MCPH1: variants seen among roughly 807,000 people sequenced by gnomAD.
The protein encoded by MCPH1 is microcephalin.
In MCPH1, 104 loss-of-function variants were observed where a neutral mutation model predicts 84.5. The observed-to-expected ratio is 1.23, with a 90% CI of 1.05 to 1.45. The LOEUF (loss-of-function observed/expected upper bound fraction) is 1.45, where lower values mean the gene tolerates loss of function less well. MCPH1 is among the 40% of genes most tolerant of loss of function. The pLI is 0.00. For missense variants in MCPH1, 1,498 were observed against 1,005.7 expected, an observed-to-expected ratio of 1.49 and a Z score of -6.62; for synonymous variants, 514 against 366.8, an observed-to-expected ratio of 1.40 and a Z score of -4.58.
intron 12 of MCPH1, among the ~76,000 whole-genome samples, chr8:6,595,681 A>G (rs972666275): frequency 1.3e-5 from 2 of 152,036 alleles, no homozygotes; most frequent in East Asian, 1.9e-4. Flanking sequence ...CTGTCCAACA[A>G]GGTCTTCAGA....
chr8:6,455,311 C>T (rs933147240), intron 9 of MCPH1, 59 bp downstream of exon 9: 5 of 1,204,482 alleles, frequency 4.2e-6, no homozygotes, highest in South Asian at 3.6e-5. Flanking sequence ...TAATGTTCTT[C>T]TCTGGGTCAA....
chr8:6,485,303 T>C (rs1809748596), intron 11 of MCPH1, among the ~76,000 whole-genome samples: 1 of 151,898 alleles, frequency 6.6e-6, no homozygotes, highest in Non-Finnish European at 1.5e-5. Context: ...CCAGCCTGGG[T>C]GACAGAGTGA....
At chr8:6,609,214 C>T (rs571197545) in intron 12 of MCPH1, among the ~76,000 whole-genome samples, 1 of 152,348 alleles carries the variant, frequency 6.6e-6, no homozygotes, top group South Asian at 2.1e-4. Flanking sequence ...CAGTGAAAAG[C>T]AACCAAGGCA....
At chr8:6,579,548 C>T (rs563928548) in intron 12 of MCPH1, among the ~76,000 whole-genome samples, 25 of 152,252 alleles carry the variant, frequency 1.6e-4, no homozygotes, top group African/African-American at 5.8e-4. Context: ...TGTTTTGGTG[C>T]CCAGATAATG....
intron 2 of MCPH1, among the ~76,000 whole-genome samples, chr8:6,414,477 C>G (rs1279773509): frequency 1.3e-5 from 2 of 152,198 alleles, no homozygotes; most frequent in African/African-American, 4.8e-5. Context: ...GTGGTGCCTT[C>G]TCATGGCCAC....
At chr8:6,477,307 G>A (rs1808600775) in intron 9 of MCPH1, 3 of 402,574 alleles carry the variant, frequency 7.5e-6, no homozygotes, top group South Asian at 3.0e-5. Context: ...CACACTTGGA[G>A]GTCTGCTGGC....
At chr8:6,609,251 C>G (rs936199603) in intron 12 of MCPH1, among the ~76,000 whole-genome samples, 1 of 152,204 alleles carries the variant, frequency 6.6e-6, no homozygotes. Flanking sequence ...CTGACTAGTT[C>G]ACGCAGTTAC....
intron 11 of MCPH1, among the ~76,000 whole-genome samples, chr8:6,493,971 C>T (rs532958876): frequency 6.2e-4 from 94 of 151,172 alleles, no homozygotes; most frequent in African/African-American, 1.8e-3. Flanking sequence ...GACAGAGTTT[C>T]GCTCTGTTGC....
intron 11 of MCPH1, among the ~76,000 whole-genome samples, chr8:6,498,452 A>G (rs149288624): frequency 1.3e-4 from 20 of 152,334 alleles, no homozygotes; most frequent in African/African-American, 4.6e-4. Context: ...AATTCCTGGG[A>G]TGTCTGTGTA....
At chr8:6,638,310 GCTTA>G in intron 13 of MCPH1, among the ~76,000 whole-genome samples, 1 of 152,236 alleles carries the variant, frequency 6.6e-6, no homozygotes, top group Non-Finnish European at 1.5e-5. Flanking sequence ...GCCCTAACAT[GCTTA>G]CTTATTTTGA....
intron 6 of MCPH1, 62 bp from the exon 7 acceptor site, chr8:6,442,005 G>A: frequency 8.8e-7 from 1 of 1,138,188 alleles, no homozygotes. Context: ...ACTTCCTGCT[G>A]GCTTCATCTG....
At chr8:6,508,604 C>T in intron 12 of MCPH1, 1 of 464,136 alleles carries the variant, frequency 2.2e-6, no homozygotes, top group East Asian at 3.5e-5. Context: ...TTACATAAAG[C>T]AAAATGTAAT....
intron 11 of MCPH1, among the ~76,000 whole-genome samples, chr8:6,499,066 TTAAATAAA>T (rs150879047): frequency 0.015 from 2,279 of 148,174 alleles, 40 homozygotes; most frequent in African/African-American, 0.047. Context: ...AATAAATAAA[TTAAATAAA>T]TAAATAAATA....
At chr8:6,407,953 C>G (rs1214959019) in intron 1 of MCPH1, among the ~76,000 whole-genome samples, 1 of 152,196 alleles carries the variant, frequency 6.6e-6, no homozygotes, top group East Asian at 1.9e-4. Flanking sequence ...TTTATTGGAA[C>G]ACAGGCCGGC....
At chr8:6,602,637 C>T (rs573941341) in intron 12 of MCPH1, among the ~76,000 whole-genome samples, 5 of 152,072 alleles carry the variant, frequency 3.3e-5, no homozygotes, top group Admixed American at 1.3e-4. Flanking sequence ...AATTCCTGGT[C>T]ACCCTTTGTT....
intron 12 of MCPH1, among the ~76,000 whole-genome samples, chr8:6,612,179 C>T (rs1436977366): frequency 1.3e-5 from 2 of 152,142 alleles, no homozygotes; most frequent in African/African-American, 4.8e-5. Context: ...TTTAGGGGCT[C>T]ACTGCCAGGA....
chr8:6,597,484 G>A (rs536262763), intron 12 of MCPH1, among the ~76,000 whole-genome samples: 3 of 152,172 alleles, frequency 2.0e-5, no homozygotes, highest in East Asian at 1.9e-4. Flanking sequence ...TGGAAATACC[G>A]AAGACTGTGC....
At position 6,456,670 on chromosome 8, in the gene MCPH1, T is replaced by TTTA. The variant is rs1805713843; in HGVS notation, c.1935+1418_1935+1419insTTA. Among the ~76,000 whole-genome samples the TTTA allele has an allele frequency of 2.0e-5, 3 of 151,578 alleles. No individual in the cohort carries two copies. The South Asian group carries it at 6.3e-4, about 32-fold the overall frequency. On this transcript the variant is annotated intron_variant, in intron 9 of 13. Coordinates refer to ENST00000344683, the MANE Select transcript of MCPH1 (RefSeq NM_024596.5). Reference sequence around the variant, plus strand: ...TACCATGTCTGGCTTTTTTTTTTTTTAAGTGCTCAGTAAATATTGAGTGTT... The same window carrying TTTA: ...TACCATGTCTGGCTTTTTTTTTTTTTTTAAAGTGCTCAGTAAATATTGAGTGTT...
intron 12 of MCPH1, among the ~76,000 whole-genome samples, chr8:6,524,357 C>T (rs546555159): frequency 6.6e-6 from 1 of 152,332 alleles, no homozygotes; most frequent in East Asian, 1.9e-4. Context: ...ATACATTTCA[C>T]TAGCTTTTCT....
Sources: allele counts gnomAD v4.1 joint callset (sites outside exome capture counted in the v4.1 genomes callset), GRCh38; gene constraint gnomAD v4.1.1; transcripts MANE v1.5; gene names NCBI Gene and HGNC (gene_info 2026-07-23, HGNC 2026-07-21).